IBTK: variants seen among roughly 807,000 people sequenced by gnomAD.
IBTK encodes inhibitor of Bruton tyrosine kinase.
IBTK carries 83 observed loss-of-function variants against 154.9 expected under a neutral mutation model. The observed-to-expected ratio is 0.54, with a 90% CI of 0.45 to 0.64. The LOEUF is 0.64. Among genes scored for constraint, IBTK ranks in the 30% least tolerant of loss-of-function variants. The pLI, the probability that IBTK is intolerant of heterozygous loss-of-function variation, is 0.00. For missense variants in IBTK, 1,332 were observed against 1,584.6 expected (o/e 0.84, Z 2.71); for synonymous variants, 515 against 536.1 (o/e 0.96, Z 0.54).
At chr6:82,208,536 G>A (rs1026493053) in intron 16 of IBTK, among the ~76,000 whole-genome samples, 3 of 152,036 alleles carry the variant, frequency 2.0e-5, no homozygotes, top group African/African-American at 7.2e-5. Context: ...GAGCCCAGGA[G>A]TTCCAGACCA....
chr6:82,236,368 A>T (rs1770714272), intron 2 of IBTK, among the ~76,000 whole-genome samples: 1 of 152,248 alleles, frequency 6.6e-6, no homozygotes, highest in South Asian at 2.1e-4. Context: ...TTTAATCCAT[A>T]TAACCTATGA....
intron 25 of IBTK, 84 bp from the exon 26 acceptor site, chr6:82,182,112 T>C: frequency 7.4e-7 from 1 of 1,343,604 alleles, no homozygotes. Flanking sequence ...AATAAGAACG[T>C]ATACCAAAAA....
In IBTK at chr6:82,181,998, C is replaced by T. The variant is rs910763297; in HGVS notation, c.3606G>A (p.Lys1202=). The change falls in exon 26 of 29, where the codon AAG becomes AAA. Residue 1202 remains lysine, a synonymous_variant. Transcript: ENST00000306270. Reference sequence around the variant, plus strand: ...CTTCTAGTAAGAAATCCCGGAATGACTTGGATGAAACTGAATGCAGAGAAG... The same window carrying T: ...CTTCTAGTAAGAAATCCCGGAATGATTTGGATGAAACTGAATGCAGAGAAG... ...WASSLHSVSS[K]SFRDFLLEEK... is the part of the protein sequence containing the mutation. The T allele has an allele frequency of 1.2e-6, 2 of 1,605,446 alleles. No homozygotes were observed. Among genetic ancestry groups the T allele is most frequent in the South Asian group, 2.3e-5 (2 of 88,594 alleles).
At chr6:82,241,101 G>A (rs573737254) in intron 1 of IBTK, among the ~76,000 whole-genome samples, 2 of 151,656 alleles carry the variant, frequency 1.3e-5, no homozygotes, top group South Asian at 2.1e-4. Flanking sequence ...TAAATCTATC[G>A]ACCTTTCATA....
At chr6:82,241,916 A>G (rs1234063439) in intron 1 of IBTK, among the ~76,000 whole-genome samples, 1 of 152,178 alleles carries the variant, frequency 6.6e-6, no homozygotes, top group African/African-American at 2.4e-5. Flanking sequence ...CTAAATCTGT[A>G]TTTTTCCACT....
rs1393869883 is a variant in IBTK at position 82,191,061 on chromosome 6, A to G, written c.3575+12T>C. On this transcript the variant is annotated intron_variant, in intron 25 of 28. Transcript: ENST00000306270. ...CAAATCTATATTAATTTTAATAAAA[A>G]TAAGAGCATACCATGCATTCACTGG... 9 of 1,497,858 alleles carry G rather than the reference A, an allele frequency of 6.0e-6. No individual in the cohort carries two copies. Among genetic ancestry groups the G allele is most frequent in the Non-Finnish European group, 7.1e-6 (8 of 1,127,678 alleles). 92.8% of individuals were successfully genotyped at this position (1,497,858 alleles called of 1,614,324 possible).
chr6:82,185,383 C>T (rs943259973), intron 25 of IBTK, among the ~76,000 whole-genome samples: 1 of 150,548 alleles, frequency 6.6e-6, no homozygotes, highest in African/African-American at 2.5e-5. Flanking sequence ...TATACAGACC[C>T]ATCTCTACAA....
intron 2 of IBTK, among the ~76,000 whole-genome samples, chr6:82,238,732 C>T (rs147602795): frequency 8.7e-4 from 133 of 152,012 alleles, no homozygotes; most frequent in African/African-American, 2.9e-3. Flanking sequence ...TGAGCCACCG[C>T]GCCTGGCCAT....
chr6:82,219,633 T>G (rs1770019689), intron 9 of IBTK, among the ~76,000 whole-genome samples: 1 of 136,498 alleles, frequency 7.3e-6, no homozygotes, highest in Admixed American at 7.5e-5. Flanking sequence ...ATACATTAAT[T>G]GAAGCATATA....
chr6:82,187,754 T>C (rs1477161984), intron 25 of IBTK, among the ~76,000 whole-genome samples: 1 of 152,130 alleles, frequency 6.6e-6, no homozygotes, highest in African/African-American at 2.4e-5. Context: ...TTCAGTTTAT[T>C]TAAGGAGGGG....
intron 1 of IBTK, among the ~76,000 whole-genome samples, chr6:82,244,503 C>T (rs772491705): frequency 2.0e-5 from 3 of 152,202 alleles, no homozygotes; most frequent in Non-Finnish European, 4.4e-5. Flanking sequence ...CTTCCTAGGG[C>T]ATTATCGCTT....
intron 18 of IBTK, among the ~76,000 whole-genome samples, 185 bp from the exon 19 acceptor site, chr6:82,201,667 T>A (rs1007068259): frequency 6.6e-6 from 1 of 152,166 alleles, no homozygotes; most frequent in Non-Finnish European, 1.5e-5. Context: ...ATATTTCAAA[T>A]AAACAGCAAA....
In IBTK at chr6:82,214,607, T is replaced by C; in HGVS notation, c.1824A>G (p.Lys608=). 4 of 1,614,122 alleles carry C rather than the reference T, an allele frequency of 2.5e-6. No homozygotes were observed. Among genetic ancestry groups the C allele is most frequent in the Middle Eastern group, 3.3e-4 (2 of 6,056 alleles). The change falls in exon 12 of 29, where the codon AAA becomes AAG. Residue 608 remains lysine, a synonymous_variant. Transcript: ENST00000306270. ...NTSEFTDIYQ[K]DEDSAGCHLF... ...GATGGCACCCTGCAGAATCTTCATCTTTCTGGTAAATATCTGTAAATTCTG... is the reference window on the plus strand; with the variant it reads ...GATGGCACCCTGCAGAATCTTCATCCTTCTGGTAAATATCTGTAAATTCTG...
intron 1 of IBTK, among the ~76,000 whole-genome samples, chr6:82,246,939 G>A (rs568448222): frequency 1.3e-5 from 2 of 152,096 alleles, no homozygotes; most frequent in African/African-American, 2.4e-5. Flanking sequence ...TATGAACTAC[G>A]TTGGAAAACA....
chr6:82,175,401 G>A (rs1168080730), intron 26 of IBTK, among the ~76,000 whole-genome samples: 1 of 152,092 alleles, frequency 6.6e-6, no homozygotes, highest in African/African-American at 2.4e-5. Flanking sequence ...GCTGTATAAT[G>A]TTATACTGAA....
intron 27 of IBTK, 162 bp downstream of exon 27, chr6:82,173,205 T>G: frequency 4.4e-6 from 2 of 458,348 alleles, no homozygotes; most frequent in Non-Finnish European, 7.8e-6. Context: ...TTTTGCCATG[T>G]TGGCTAGGCT....
At chr6:82,206,609 A>G (rs1166874132) in intron 16 of IBTK, among the ~76,000 whole-genome samples, 1 of 152,178 alleles carries the variant, frequency 6.6e-6, no homozygotes, top group Admixed American at 6.5e-5. Flanking sequence ...AAGGAGGCCA[A>G]TATTATGCTG....
Position 82,197,811 on chromosome 6 carries a change from AAC to A in IBTK, c.3026-1367_3026-1366del, listed in dbSNP as rs145305206. Among the ~76,000 whole-genome samples the A allele has an allele frequency of 6.6e-3, 999 of 152,332 alleles. 14 individuals carry two copies. Among genetic ancestry groups the A allele is most frequent in the African/African-American group, 0.023 (951 of 41,574 alleles). On this transcript the variant is annotated intron_variant, in intron 21 of 28. Coordinates refer to ENST00000306270, the MANE Select transcript of IBTK (RefSeq NM_015525.4). The stretch of plus-strand genomic sequence containing the variant: ...TGGCCAACAATTACTTCTGGTCAAA[AAC>A]AGTTTTGCTGAATGCCGTTTGTCTA...
intron 28 of IBTK, among the ~76,000 whole-genome samples, chr6:82,171,804 A>G (rs1315505939): frequency 1.3e-5 from 2 of 152,216 alleles, no homozygotes; most frequent in East Asian, 1.9e-4. Flanking sequence ...AGCAGAAGGA[A>G]AAAGAAACTG....
Sources: gnomAD v4.1 joint callset for allele counts (sites outside exome capture counted in the v4.1 genomes callset) on GRCh38, gnomAD v4.1.1 for gene constraint, MANE v1.5 for transcripts, NCBI Gene and HGNC (gene_info 2026-07-23, HGNC 2026-07-21) for gene names.